Variants in TGFBRAP1 observed in about 807,000 individuals in gnomAD.
The protein encoded by TGFBRAP1 is transforming growth factor beta receptor associated protein 1.
TGFBRAP1 carries 20 observed loss-of-function variants against 83.2 expected under a neutral mutation model. That is an observed-to-expected ratio of 0.24 (90% CI 0.17 to 0.35). TGFBRAP1 has a LOEUF of 0.35. Among genes scored for constraint, TGFBRAP1 ranks in the 10% least tolerant of loss-of-function variants. The pLI is 1.00. For missense variants in TGFBRAP1, 950 were observed against 1,099.4 expected, an observed-to-expected ratio of 0.86 and a Z score of 1.92; for synonymous variants, 415 against 459.8, an observed-to-expected ratio of 0.90 and a Z score of 1.25.
Position 105,269,536 on chromosome 2 carries a change from T to C in TGFBRAP1, c.2142A>G (p.Gln714=), listed in dbSNP as rs757416037. 6.2e-7 allele frequency: 1 copy of C among 1,612,090 alleles called. No homozygotes were observed. Among genetic ancestry groups the C allele is most frequent in the Non-Finnish European group, 8.5e-7 (1 of 1,178,850 alleles). ...AGATGGCCAGCAGCGTGTGAAAGAG[T>C]TGCTGGCGGTGGGGTGGGTCTCGGC... ...SEGRDPPHRQ[Q]LFHTLLAIYL... Residue 714 remains glutamine (Q), a synonymous_variant, in exon 11 of 12, where the codon CAA becomes CAG. Coordinates refer to ENST00000393359, the MANE Select transcript of TGFBRAP1 (RefSeq NM_004257.6). This position sits in a 1 kb window ranked among gnomAD's most constrained non-coding sequence, Gnocchi z 4.1.
intron 2 of TGFBRAP1, among the ~76,000 whole-genome samples, chr2:105,303,872 T>A (rs1414929593): frequency 1.3e-5 from 2 of 152,102 alleles, no homozygotes; most frequent in Non-Finnish European, 2.9e-5. Flanking sequence ...AAATCCAGAT[T>A]GTGGGACACC....
chr2:105,289,197 A>C (rs1305952233), intron 4 of TGFBRAP1, among the ~76,000 whole-genome samples: 1 of 143,796 alleles, frequency 7.0e-6, no homozygotes, highest in African/African-American at 2.5e-5. Flanking sequence ...CAAAATTTAC[A>C]AAAAAAAAAG....
intron 8 of TGFBRAP1, among the ~76,000 whole-genome samples, chr2:105,274,233 C>T (rs1395592070): frequency 6.6e-6 from 1 of 152,186 alleles, no homozygotes; most frequent in Non-Finnish European, 1.5e-5. Flanking sequence ...GGGCTGCCTT[C>T]CTGTGTCCAT....
At chr2:105,314,799 A>C (rs1359318779) in intron 1 of TGFBRAP1, among the ~76,000 whole-genome samples, 2 of 151,630 alleles carry the variant, frequency 1.3e-5, no homozygotes, top group Non-Finnish European at 2.9e-5. Context: ...AAATACAAAA[A>C]ATTAGCCAGG....
At chr2:105,304,850 A>C (rs1678442311) in intron 2 of TGFBRAP1, among the ~76,000 whole-genome samples, 1 of 152,156 alleles carries the variant, frequency 6.6e-6, no homozygotes, top group South Asian at 2.1e-4. Context: ...TACATACTGT[A>C]TGGTCCCAAC....
chr2:105,273,484 T>C, intron 9 of TGFBRAP1, 60 bp downstream of exon 9: 1 of 1,593,890 alleles, frequency 6.3e-7, no homozygotes, highest in Non-Finnish European at 8.5e-7. Context: ...CCAAAAAGTG[T>C]TCTAGTTCAA....
At chr2:105,274,592 T>G (rs144035458) in intron 8 of TGFBRAP1, among the ~76,000 whole-genome samples, 2 of 152,288 alleles carry the variant, frequency 1.3e-5, no homozygotes, top group East Asian at 3.9e-4. Flanking sequence ...CCATAAGCAT[T>G]GGGAGAAGCC....
chr2:105,310,785 A>G (rs978881508), intron 1 of TGFBRAP1, among the ~76,000 whole-genome samples: 6 of 152,180 alleles, frequency 3.9e-5, no homozygotes, highest in Non-Finnish European at 7.4e-5. Flanking sequence ...TTGAAATGTC[A>G]GCTTCCAGAC....
At chr2:105,298,036 C>T in intron 3 of TGFBRAP1, among the ~76,000 whole-genome samples, 1 of 152,214 alleles carries the variant, frequency 6.6e-6, no homozygotes, top group African/African-American at 2.4e-5. Flanking sequence ...TGGTCTGCTG[C>T]AGCCTCAGCT....
chr2:105,250,923 C>G, the TGFBRAP1 span, among the ~76,000 whole-genome samples: 1 of 152,244 alleles, frequency 6.6e-6, no homozygotes, highest in Admixed American at 6.5e-5. Context: ...CCCAAGGTGC[C>G]GGGATGGCAG....
intron 7 of TGFBRAP1, among the ~76,000 whole-genome samples, chr2:105,276,955 A>G (rs1014602138): frequency 1.3e-4 from 20 of 152,246 alleles, no homozygotes; most frequent in Non-Finnish European, 2.6e-4. Context: ...TCAGGAAACA[A>G]CACGGTGCAG....
intron 8 of TGFBRAP1, among the ~76,000 whole-genome samples, chr2:105,274,666 T>C (rs187690020): frequency 5.1e-4 from 78 of 152,350 alleles, no homozygotes; most frequent in Non-Finnish European, 9.1e-4. Context: ...GGATGTGCTC[T>C]GCAGGCGTGT....
intron 2 of TGFBRAP1, among the ~76,000 whole-genome samples, chr2:105,307,176 G>C (rs1041652311): frequency 1.4e-5 from 2 of 147,132 alleles, no homozygotes; most frequent in Non-Finnish European, 3.1e-5. Flanking sequence ...GAACTCTCAG[G>C]GCTGCTGGCT....
At chr2:105,326,901 T>C (rs1351921579) in intron 1 of TGFBRAP1, among the ~76,000 whole-genome samples, 1 of 152,194 alleles carries the variant, frequency 6.6e-6, no homozygotes, top group Non-Finnish European at 1.5e-5. Flanking sequence ...AATTCACTTT[T>C]CATGAGGCAC....
chr2:105,265,939 G>T lies in TGFBRAP1; in HGVS notation c.*1444C>A, dbSNP rs904350319. On this transcript the variant is annotated 3_prime_UTR_variant, in exon 12 of 12. Transcript: ENST00000393359. Reference sequence around the variant, plus strand: ...CCACCTCAGTAAGGCTTGGGCTGATGAAGAGAGGGTGTATTCAGGGTCCTC... The same window carrying T: ...CCACCTCAGTAAGGCTTGGGCTGATTAAGAGAGGGTGTATTCAGGGTCCTC... 16 of 152,238 alleles carry T rather than the reference G, an allele frequency of 1.1e-4. No homozygotes were observed. Among genetic ancestry groups the T allele is most frequent in the African/African-American group, 3.6e-4 (15 of 41,464 alleles). The allele number at this position is 152,238 out of a possible 1,614,324, so 9.4% of individuals were successfully genotyped here.
intron 4 of TGFBRAP1, among the ~76,000 whole-genome samples, chr2:105,293,198 G>A (rs564234520): frequency 8.5e-5 from 13 of 152,070 alleles, no homozygotes; most frequent in East Asian, 1.9e-4. Flanking sequence ...AAAATCTATC[G>A]GAGCCCAAGC....
At chr2:105,261,227 C>T (rs1676780012), downstream of TGFBRAP1, among the ~76,000 whole-genome samples, 2 of 152,072 alleles carry the variant, frequency 1.3e-5, no homozygotes, top group African/African-American at 4.8e-5. Flanking sequence ...GGAGGTAAAT[C>T]ATAAACATGT....
In TGFBRAP1 at chr2:105,277,749, G is replaced by A. The variant is rs138060542; in HGVS notation, c.1464-78C>T. The A allele has an allele frequency of 4.8e-4, 627 of 1,308,736 alleles. 8 individuals are homozygous for A. In the East Asian group the frequency reaches 0.014, roughly 30 times the overall value. The allele number at this position is 1,308,736 out of a possible 1,614,324, so 81.1% of individuals were successfully genotyped here. On this transcript the variant is annotated intron_variant, in intron 6 of 11. Coordinates refer to ENST00000393359, the MANE Select transcript of TGFBRAP1 (RefSeq NM_004257.6). ...CGACCTTCACACAGTGACACCCCCA[G>A]TCCAAGCTCCCCATATTCTATTCAA...
intron 1 of TGFBRAP1, among the ~76,000 whole-genome samples, chr2:105,324,459 C>G (rs1679164155): frequency 6.6e-6 from 1 of 152,128 alleles, no homozygotes; most frequent in African/African-American, 2.4e-5. Context: ...CAAGCATGAA[C>G]CAATACCCAT....
Sources: gnomAD v4.1 joint callset for allele counts (sites outside exome capture counted in the v4.1 genomes callset) on GRCh38, gnomAD v4.1.1 for gene constraint, Gnocchi (gnomAD v3.1) non-coding constraint, MANE v1.5 for transcripts, NCBI Gene and HGNC (gene_info 2026-07-23, HGNC 2026-07-21) for gene names.